The following SOX5 variants were observed in gnomAD, a reference collection of about 807,000 sequenced individuals.
SOX5 encodes the protein SRY-box transcription factor 5.
SOX5 carries 9 observed loss-of-function variants against 92.0 expected under a neutral mutation model. The ratio of observed to expected loss-of-function variants is 0.10; its 90% CI spans 0.06 to 0.17. The LOEUF (loss-of-function observed/expected upper bound fraction) is 0.17. Among genes scored for constraint, SOX5 ranks in the 10% least tolerant of loss-of-function variants. SOX5 has a pLI of 1.00. For missense variants in SOX5, 642 were observed against 944.5 expected, an observed-to-expected ratio of 0.68 and a Z score of 4.20; for synonymous variants, 344 against 336.3, an observed-to-expected ratio of 1.02 and a Z score of -0.25.
intron 1 of SOX5, among the ~76,000 whole-genome samples, chr12:23,945,843 T>C (rs1215302931): frequency 6.6e-6 from 1 of 152,104 alleles, no homozygotes; most frequent in Non-Finnish European, 1.5e-5. Context: ...TTTTTTGTTG[T>C]TGTTGTTAAG....
intron 2 of SOX5, among the ~76,000 whole-genome samples, chr12:24,292,189 T>A (rs912505625): frequency 6.6e-6 from 1 of 152,054 alleles, no homozygotes; most frequent in South Asian, 2.1e-4. Flanking sequence ...AGTGGCAGGG[T>A]GCCAAGATCA....
At chr12:24,475,149 A>G (rs1945227849) in intron 1 of SOX5, among the ~76,000 whole-genome samples, 2 of 152,132 alleles carry the variant, frequency 1.3e-5, no homozygotes, top group Non-Finnish European at 2.9e-5. Flanking sequence ...CTTAATGAGA[A>G]TTCTCTATGA....
chr12:24,047,770 A>G (rs907419740), intron 4 of SOX5, among the ~76,000 whole-genome samples: 1 of 152,226 alleles, frequency 6.6e-6, no homozygotes, highest in Non-Finnish European at 1.5e-5. Flanking sequence ...TGCATGTGGA[A>G]TGAACCCTCA....
At chr12:24,049,254 A>C (rs1057404516) in intron 4 of SOX5, among the ~76,000 whole-genome samples, 1 of 152,172 alleles carries the variant, frequency 6.6e-6, no homozygotes, top group Admixed American at 6.5e-5. Context: ...AATAACTGAA[A>C]GGGTTGAAAA....
chr12:24,041,845 G>A (rs1356520579), intron 4 of SOX5, among the ~76,000 whole-genome samples: 3 of 152,056 alleles, frequency 2.0e-5, no homozygotes, highest in Non-Finnish European at 4.4e-5. Context: ...TGTGACAGAT[G>A]ACAAACTAAT....
chr12:23,753,598 C>G lies in SOX5; in HGVS notation c.568+2040G>C, dbSNP rs971317799. ...TAAAAAAAAGATTACTTATTGTTCC[C>G]TCCCTCAACTAAACAAGTATACGAG... On this transcript the variant is annotated intron_variant, in intron 4 of 14. Transcript: ENST00000451604. 4.0e-5 allele frequency among the ~76,000 whole-genome samples: 6 copies of G among 151,674 alleles called. No homozygotes were observed. The Admixed American group carries it at 4.0e-4, about 10-fold the overall frequency.
intron 4 of SOX5, among the ~76,000 whole-genome samples, chr12:24,171,461 G>A (rs1382621863): frequency 6.6e-6 from 1 of 151,932 alleles, no homozygotes. Flanking sequence ...CTGACTTCGT[G>A]ATCCACCCGC....
intron 3 of SOX5, among the ~76,000 whole-genome samples, chr12:23,836,511 C>T (rs2096416380): frequency 6.6e-6 from 1 of 151,994 alleles, no homozygotes; most frequent in Non-Finnish European, 1.5e-5. Flanking sequence ...AGAGAGCTGT[C>T]TCTTCTTCAA....
chr12:24,471,598 T>C (rs1296523186), intron 1 of SOX5, among the ~76,000 whole-genome samples: 1 of 152,188 alleles, frequency 6.6e-6, no homozygotes, highest in East Asian at 1.9e-4. Context: ...GTCTTCTAAA[T>C]GTTAAATGAG....
intron 1 of SOX5, among the ~76,000 whole-genome samples, chr12:24,443,853 T>G (rs1435047194): frequency 6.6e-6 from 1 of 152,234 alleles, no homozygotes; most frequent in Non-Finnish European, 1.5e-5. Flanking sequence ...ATATAGTACT[T>G]CATATAATAG....
chr12:24,299,718 T>C (rs1947734044), intron 2 of SOX5, among the ~76,000 whole-genome samples: 1 of 152,134 alleles, frequency 6.6e-6, no homozygotes, highest in Non-Finnish European at 1.5e-5. Flanking sequence ...TTCAGAAAAA[T>C]AAAACGAATT....
intron 1 of SOX5, among the ~76,000 whole-genome samples, chr12:24,505,482 G>A (rs955081922): frequency 2.6e-5 from 4 of 152,096 alleles, no homozygotes; most frequent in African/African-American, 7.2e-5. Flanking sequence ...TTTTCATACG[G>A]AACTTCTTTT....
At chr12:24,492,975 C>T (rs1341383598) in intron 1 of SOX5, among the ~76,000 whole-genome samples, 2 of 152,172 alleles carry the variant, frequency 1.3e-5, no homozygotes, top group African/African-American at 4.8e-5. Context: ...TTGCCATGAG[C>T]ACCCCTGATA....
chr12:24,373,967 C>T (rs1200823870), intron 1 of SOX5, among the ~76,000 whole-genome samples: 2 of 152,118 alleles, frequency 1.3e-5, no homozygotes, highest in Non-Finnish European at 2.9e-5. Context: ...ATAACAAACT[C>T]GAATGACAGA....
In SOX5 at chr12:23,779,788, A is replaced by AATAT. The variant is rs1172787679; in HGVS notation, c.482-24068_482-24065dup. Among the ~76,000 whole-genome samples, 691 of 110,448 alleles carry AATAT rather than the reference A, an allele frequency of 6.3e-3. 6 individuals carry two copies. The highest frequency in any genetic ancestry group is 9.3e-3 in the South Asian group (26 of 2,796). The allele number at this position is 110,448 out of a possible 152,430, so 72.5% of individuals were successfully genotyped here. A position where few individuals can be genotyped will look rare whatever the true frequency, so the allele number is the denominator to read the frequency against. On this transcript the variant is annotated intron_variant, in intron 3 of 14. Coordinates refer to ENST00000451604, the MANE Select transcript of SOX5 (RefSeq NM_006940.6). The stretch of plus-strand genomic sequence containing the variant: ...TTGAATCTTCAATTTCACAGATTAA[A>AATAT]ATATATATATATATATATATATATA...
intron 3 of SOX5, among the ~76,000 whole-genome samples, chr12:24,270,208 C>T (rs1422756972): frequency 6.6e-6 from 1 of 151,902 alleles, no homozygotes; most frequent in African/African-American, 2.4e-5. Context: ...TTACAGGCAC[C>T]CACCATCACA....
chr12:23,950,850 C>CAG (rs756116833), upstream of SOX5: 12 of 1,534,378 alleles, frequency 7.8e-6, no homozygotes, highest in Middle Eastern at 1.7e-4. Context: ...CACATACACA[C>CAG]AGAGAGAGAG....
chr12:24,315,016 G>C (rs917325434), intron 2 of SOX5, among the ~76,000 whole-genome samples: 2 of 152,214 alleles, frequency 1.3e-5, no homozygotes, highest in East Asian at 3.8e-4. Context: ...TAATGGATGA[G>C]TTAATGGATT....
intron 1 of SOX5, among the ~76,000 whole-genome samples, chr12:24,418,570 A>G (rs1965409153): frequency 6.6e-6 from 1 of 152,232 alleles, no homozygotes; most frequent in Non-Finnish European, 1.5e-5. Flanking sequence ...TGCTATCTGC[A>G]TCCAATTCAA....
Sources: gnomAD v4.1 joint callset for allele counts (sites outside exome capture counted in the v4.1 genomes callset) on GRCh38, gnomAD v4.1.1 for gene constraint, MANE v1.5 for transcripts, NCBI Gene and HGNC (gene_info 2026-07-23, HGNC 2026-07-21) for gene names.